TMCC3: variants seen among roughly 807,000 people sequenced by gnomAD.
TMCC3 encodes transmembrane and coiled-coil domain protein 3.
In TMCC3, 28 loss-of-function variants were observed where a neutral mutation model predicts 40.2. That is an observed-to-expected ratio of 0.70 (90% confidence interval 0.52 to 0.95). TMCC3 has a LOEUF of 0.95. TMCC3 is among the 40% of genes least tolerant of loss of function. The pLI is 0.00. For missense variants in TMCC3, 554 were observed against 615.2 expected (o/e 0.90, Z 1.05); for synonymous variants, 255 against 248.5 (o/e 1.03, Z -0.25).
intron 2 of TMCC3, among the ~76,000 whole-genome samples, chr12:94,581,081 T>G (rs1052726900): frequency 6.6e-6 from 1 of 152,196 alleles, no homozygotes; most frequent in Non-Finnish European, 1.5e-5. Flanking sequence ...CAGAAGTGTT[T>G]CAGATTTTGA....
intron 1 of TMCC3, chr12:94,613,908 C>CACGGTGAA (rs2068831238): frequency 6.6e-6 from 1 of 151,990 alleles, no homozygotes; most frequent in Non-Finnish European, 1.5e-5. Flanking sequence ...TCCTGGCTGA[C>CACGGTGAA]ACGGTGAAAC....
chr12:94,575,022 C>T (rs193302658), intron 3 of TMCC3, among the ~76,000 whole-genome samples: 34 of 152,198 alleles, frequency 2.2e-4, no homozygotes, highest in Admixed American at 4.6e-4. Context: ...TTGGTACTTC[C>T]TTGGGTCCAG....
At chr12:94,647,336 T>C (rs1198211972) in intron 1 of TMCC3, among the ~76,000 whole-genome samples, 3 of 152,192 alleles carry the variant, frequency 2.0e-5, no homozygotes, top group Non-Finnish European at 4.4e-5. Context: ...TTCTGCAATG[T>C]TGAAAGAGTA....
intron 1 of TMCC3, among the ~76,000 whole-genome samples, chr12:94,643,190 A>T (rs552007228): frequency 4.3e-4 from 41 of 94,382 alleles, no homozygotes; most frequent in South Asian, 2.4e-3. Context: ...GACTCTGTCT[A>T]AAAAAAAAAG....
chr12:94,581,512 A>G, intron 2 of TMCC3, 110 bp downstream of exon 2: 1 of 672,762 alleles, frequency 1.5e-6, no homozygotes, highest in African/African-American at 1.9e-5. Context: ...GTACCCACTA[A>G]GTATCCGTGG....
chr12:94,615,455 G>A (rs2068842676), intron 1 of TMCC3, among the ~76,000 whole-genome samples: 1 of 152,230 alleles, frequency 6.6e-6, no homozygotes, highest in African/African-American at 2.4e-5. Flanking sequence ...CAGTTTTACA[G>A]AGTTTCAAGT....
At chr12:94,619,602 A>C (rs901479789) in intron 1 of TMCC3, among the ~76,000 whole-genome samples, 1 of 152,222 alleles carries the variant, frequency 6.6e-6, no homozygotes, top group Non-Finnish European at 1.5e-5. Context: ...AATTGGTGCA[A>C]CCTTTGGGAG....
chr12:94,597,694 T>C (rs915932243), intron 1 of TMCC3, among the ~76,000 whole-genome samples: 1 of 151,798 alleles, frequency 6.6e-6, no homozygotes, highest in Non-Finnish European at 1.5e-5. Context: ...TAATCCCAGC[T>C]ACTCAGTGGG....
intron 1 of TMCC3, among the ~76,000 whole-genome samples, chr12:94,622,691 T>C (rs2068882187): frequency 1.3e-5 from 2 of 152,130 alleles, no homozygotes; most frequent in South Asian, 4.1e-4. Context: ...TTTCTTGGCA[T>C]GCTCAACTCT....
chr12:94,589,456 C>T lies in TMCC3; in HGVS notation c.79-6918G>A, dbSNP rs112930401. Among the ~76,000 whole-genome samples the T allele has an allele frequency of 2.5e-3, 370 of 150,864 alleles. 4 individuals are homozygous for T. Among genetic ancestry groups the T allele is most frequent in the African/African-American group, 8.5e-3 (353 of 41,442 alleles). On this transcript the variant is annotated intron_variant, in intron 1 of 3. Coordinates refer to ENST00000261226, the MANE Select transcript of TMCC3 (RefSeq NM_020698.4). ...AGACAGAGAACTCATTACACTGACCCTACCTAACTTCTAGGGGACAGGGGA... is the reference window on the plus strand; with the variant it reads ...AGACAGAGAACTCATTACACTGACCTTACCTAACTTCTAGGGGACAGGGGA...
At chr12:94,616,461 C>T (rs972770690) in intron 1 of TMCC3, 8 of 152,558 alleles carry the variant, frequency 5.2e-5, no homozygotes, top group African/African-American at 1.9e-4. Context: ...GGCTTAAAGA[C>T]AGTGAGCAGT....
intron 2 of TMCC3, 55 bp downstream of exon 2, chr12:94,581,567 A>C (rs2068601194): frequency 8.7e-7 from 1 of 1,149,692 alleles, no homozygotes; most frequent in Non-Finnish European, 1.1e-6. Context: ...AACATAAAAT[A>C]AAAAAATAAA....
chr12:94,641,235 G>T (rs1594300665), intron 1 of TMCC3, among the ~76,000 whole-genome samples: 1 of 152,036 alleles, frequency 6.6e-6, no homozygotes, highest in East Asian at 1.9e-4. Context: ...TAAACCACTG[G>T]ATGCCTGGGT....
In TMCC3 at chr12:94,569,613, G is replaced by C. The variant is rs2068514745; in HGVS notation, c.*1822C>G. On this transcript the variant is annotated 3_prime_UTR_variant, in exon 4 of 4. Transcript: ENST00000261226. The stretch of plus-strand genomic sequence containing the variant: ...ATAGTGGTGATGGTTGAACAAGTTT[G>C]TGAATTTACTAAAACCACTCAATTG... The C allele has an allele frequency of 6.6e-6, 1 of 152,044 alleles. No individual in the cohort carries two copies. The highest frequency in any genetic ancestry group is 1.5e-5 in the Non-Finnish European group (1 of 68,000). The allele number at this position is 152,044 out of a possible 1,614,324, so 9.4% of individuals were successfully genotyped here.
intron 1 of TMCC3, among the ~76,000 whole-genome samples, chr12:94,638,014 A>G (rs2068970202): frequency 6.6e-6 from 1 of 152,206 alleles, no homozygotes; most frequent in South Asian, 2.1e-4. Flanking sequence ...GGGAGTCCAC[A>G]AAGAAAGGAG....
intron 1 of TMCC3, among the ~76,000 whole-genome samples, chr12:94,640,100 A>C (rs1276995931): frequency 6.6e-6 from 1 of 152,208 alleles, no homozygotes; most frequent in East Asian, 1.9e-4. Context: ...TTCAATCCTC[A>C]ATCCAATTCA....
chr12:94,593,900 C>T (rs1232139626), intron 1 of TMCC3, among the ~76,000 whole-genome samples: 1 of 152,048 alleles, frequency 6.6e-6, no homozygotes, highest in Non-Finnish European at 1.5e-5. Flanking sequence ...GGAGAAAGGC[C>T]AGATTCAGCA....
intron 1 of TMCC3, among the ~76,000 whole-genome samples, chr12:94,632,012 T>C (rs549927046): frequency 6.6e-5 from 10 of 152,336 alleles, no homozygotes; most frequent in African/African-American, 2.4e-4. Context: ...CAACATGCAA[T>C]TGCAAAAGCA....
rs1404901305 is a variant in TMCC3 at position 94,590,701 on chromosome 12, C to T, written c.79-8163G>A. 1.0e-5 allele frequency: 3 copies of T among 300,722 alleles called. No individual in the cohort carries two copies. The Admixed American group carries it at 1.4e-4, about 14-fold the overall frequency. The allele number at this position is 300,722 out of a possible 1,614,324, so 18.6% of individuals were successfully genotyped here. A position where few individuals can be genotyped will look rare whatever the true frequency, so the allele number is the denominator to read the frequency against. On this transcript the variant is annotated intron_variant, in intron 1 of 3. Coordinates refer to ENST00000261226, the MANE Select transcript of TMCC3 (RefSeq NM_020698.4). Reference sequence around the variant, plus strand: ...CCACAGTGGGGTACCTTTGTGTGTTCTCCCAGAAGAACAGGAGCTTTTCTA... The same window carrying T: ...CCACAGTGGGGTACCTTTGTGTGTTTTCCCAGAAGAACAGGAGCTTTTCTA...
Sources: allele counts gnomAD v4.1 joint callset (sites outside exome capture counted in the v4.1 genomes callset), GRCh38; gene constraint gnomAD v4.1.1; transcripts MANE v1.5; gene names NCBI Gene and HGNC (gene_info 2026-07-23, HGNC 2026-07-21).